CLEC4A: variants seen among roughly 807,000 people sequenced by gnomAD.
CLEC4A encodes C-type (calcium dependent, carbohydrate-recognition domain) lectin, superfamily member 6.
A neutral mutation model predicts 32.7 loss-of-function variants in CLEC4A; 27 were observed. That is an observed-to-expected ratio of 0.83 (90% CI 0.61 to 1.14). CLEC4A has a LOEUF of 1.14. Among genes scored for constraint, CLEC4A ranks in the 50% most tolerant of loss-of-function variants. The probability of loss-of-function intolerance (pLI) is 0.00; values close to 1 mark genes in which losing one functional copy is unlikely to be tolerated. For missense variants in CLEC4A, 253 were observed against 274.6 expected (o/e 0.92, Z 0.55); for synonymous variants, 89 against 93.7 (o/e 0.95, Z 0.29).
the CLEC4A span, among the ~76,000 whole-genome samples, chr12:8,111,644 G>A: frequency 6.6e-6 from 1 of 152,040 alleles, no homozygotes; most frequent in Non-Finnish European, 1.5e-5. Context: ...CTTATGTTTA[G>A]TTTATGTTTA....
Position 8,125,585 on chromosome 12 carries a change from A to T in CLEC4A, c.107A>T (p.His36Leu), listed in dbSNP as rs2024301. 1,031,858 of 1,608,236 alleles carry T rather than the reference A, an allele frequency of 0.64. 337,036 individuals carry two copies. The highest frequency in any genetic ancestry group is 0.68 in the Non-Finnish European group (797,259 of 1,174,938). The change falls in exon 2 of 6, where the codon CAC becomes CTC. Residue 36 changes from histidine (H) to leucine (L), a missense_variant. His to Leu is a moderately conservative substitution (Grantham distance 99). Transcript: ENST00000229332. ...GCTTCCAAGGAGAGGACTGCCCCTCACAAAAGTAATACCGGATTCCCCAAG... is the reference window on the plus strand; with the variant it reads ...GCTTCCAAGGAGAGGACTGCCCCTCTCAAAAGTAATACCGGATTCCCCAAG... Reference protein sequence around the residue: ...SAASKERTAPHKSNTGFPKLL... With the variant: ...SAASKERTAPLKSNTGFPKLL...
chr12:8,137,591 C>G (rs1591613854), intron 5 of CLEC4A, among the ~76,000 whole-genome samples: 1 of 152,064 alleles, frequency 6.6e-6, no homozygotes, highest in South Asian at 2.1e-4. Flanking sequence ...TACTGGATTA[C>G]CACCTTCGAT....
chr12:8,114,808 T>C, the CLEC4A span, among the ~76,000 whole-genome samples: 1 of 152,214 alleles, frequency 6.6e-6, no homozygotes, highest in Non-Finnish European at 1.5e-5. Flanking sequence ...CTGCATCTAA[T>C]GATTTTCTAC....
intron 3 of CLEC4A, chr12:8,134,768 GC>G (rs1256898122): frequency 6.4e-7 from 1 of 1,555,366 alleles, no homozygotes; most frequent in Non-Finnish European, 8.7e-7. Context: ...GATCAACCCA[GC>G]CCGGCTCCGG....
upstream of CLEC4A, among the ~76,000 whole-genome samples, chr12:8,119,831 A>G (rs1947816133): frequency 6.6e-6 from 1 of 152,188 alleles, no homozygotes; most frequent in Non-Finnish European, 1.5e-5. Flanking sequence ...ACCAGCCACA[A>G]GTTCAGGGGT....
At chr12:8,133,926 C>T (rs1264078507) in intron 3 of CLEC4A, 3 of 1,604,224 alleles carry the variant, frequency 1.9e-6, no homozygotes, top group African/African-American at 1.3e-5. Flanking sequence ...GGAAAGGACA[C>T]TGGTCCCCCT....
upstream of CLEC4A, among the ~76,000 whole-genome samples, chr12:8,119,525 G>T (rs988368787): frequency 1.6e-4 from 25 of 152,250 alleles, no homozygotes; most frequent in African/African-American, 6.0e-4. Context: ...TGCCTAGCCT[G>T]TGTCTTTTTA....
chr12:8,109,032 G>A, the CLEC4A span, among the ~76,000 whole-genome samples: 4 of 152,192 alleles, frequency 2.6e-5, no homozygotes, highest in African/African-American at 9.7e-5. Flanking sequence ...TGAAATAGTT[G>A]TAGGAATTTG....
upstream of CLEC4A, among the ~76,000 whole-genome samples, chr12:8,119,471 G>A (rs964554808): frequency 6.6e-6 from 1 of 152,168 alleles, no homozygotes; most frequent in Admixed American, 6.5e-5. Context: ...TGATCCACCC[G>A]CCTTGGCCTC....
intron 1 of CLEC4A, 128 bp from the exon 2 acceptor site, chr12:8,125,431 ATG>A: frequency 1.6e-6 from 1 of 610,414 alleles, no homozygotes; most frequent in African/African-American, 1.8e-5. Context: ...TCCTATTCTC[ATG>A]TGATTTCAAA....
the CLEC4A span, among the ~76,000 whole-genome samples, chr12:8,112,208 T>C: frequency 1.3e-5 from 2 of 152,202 alleles, no homozygotes; most frequent in East Asian, 3.9e-4. Flanking sequence ...CCTCAGGTGA[T>C]CCGCCCAGCT....
rs1249596397 is a variant in CLEC4A, at chr12:8,129,354, C to A, written c.290C>A (p.Pro97His). ...TTLECVKKNM[P>H]VEETAWSCCP... ...TTGGAGTGTGTGAAAAAAAATATGC[C>A]CGTGGAAGGTAAAAATTAATGTGCC... Residue 97 changes from proline (P) to histidine (H), a missense_variant, in exon 3 of 6, where the codon CCC becomes CAC. Pro to His is a moderately conservative substitution (Grantham distance 77, BLOSUM62 -2). Coordinates refer to ENST00000229332, the MANE Select transcript of CLEC4A (RefSeq NM_016184.4). 2 of 1,598,658 alleles carry A rather than the reference C, an allele frequency of 1.3e-6. No individual in the cohort carries two copies. Among genetic ancestry groups the A allele is most frequent in the East Asian group, 2.2e-5 (1 of 44,612 alleles).
intron 3 of CLEC4A, chr12:8,134,636 C>T (rs769626008): frequency 1.2e-6 from 2 of 1,607,818 alleles, no homozygotes; most frequent in Non-Finnish European, 1.7e-6. Context: ...AGTACGCCAT[C>T]CCCCCGCAGA....
At chr12:8,126,752 A>G (rs1947907747) in intron 2 of CLEC4A, among the ~76,000 whole-genome samples, 1 of 152,150 alleles carries the variant, frequency 6.6e-6, no homozygotes, top group Non-Finnish European at 1.5e-5. Flanking sequence ...TAATAAGTGC[A>G]AGAGGCTGAG....
chr12:8,132,749 T>C (rs912902032), intron 3 of CLEC4A, among the ~76,000 whole-genome samples: 3 of 152,218 alleles, frequency 2.0e-5, no homozygotes, highest in African/African-American at 4.8e-5. Context: ...CCACCTATAA[T>C]TGTATATTTG....
chr12:8,112,773 C>T, the CLEC4A span, among the ~76,000 whole-genome samples: 1 of 152,114 alleles, frequency 6.6e-6, no homozygotes, highest in African/African-American at 2.4e-5. Flanking sequence ...ATTCCTGGCT[C>T]AGAGTCTCCT....
At chr12:8,127,242 T>G (rs1947916286) in intron 2 of CLEC4A, among the ~76,000 whole-genome samples, 1 of 152,162 alleles carries the variant, frequency 6.6e-6, no homozygotes, top group African/African-American at 2.4e-5. Flanking sequence ...TCTCTTATCA[T>G]TCATCAGGGT....
chr12:8,110,764 A>T, the CLEC4A span, among the ~76,000 whole-genome samples: 1 of 152,354 alleles, frequency 6.6e-6, no homozygotes, highest in South Asian at 2.1e-4. Context: ...TGATAAAGAC[A>T]TGATAAAGTA....
intron 1 of CLEC4A, 35 bp downstream of exon 1, chr12:8,123,995 C>T (rs1200489373): frequency 1.2e-5 from 16 of 1,344,310 alleles, no homozygotes; most frequent in South Asian, 2.3e-5. Context: ...GAGTGAATGA[C>T]GAGGTGAAGG....
Sources: gnomAD v4.1 joint callset for allele counts (sites outside exome capture counted in the v4.1 genomes callset) on GRCh38, gnomAD v4.1.1 for gene constraint, MANE v1.5 for transcripts, NCBI Gene and HGNC (gene_info 2026-07-23, HGNC 2026-07-21) for gene names.